The following NOX4 variants were observed in gnomAD, a reference collection of about 807,000 sequenced individuals.
NOX4 encodes kidney oxidase-1.
Under a neutral mutation model 87.6 loss-of-function variants are expected in NOX4, and 69 were observed. The ratio of observed to expected loss-of-function variants is 0.79; its 90% confidence interval spans 0.65 to 0.96. The LOEUF is 0.96. NOX4 is among the 40% of genes least tolerant of loss of function. The probability of loss-of-function intolerance (pLI) is 0.00; values close to 1 mark genes in which losing one functional copy is unlikely to be tolerated. For synonymous variants in NOX4, 275 were observed against 238.2 expected, an observed-to-expected ratio of 1.15 and a Z score of -1.42; for missense variants, 680 against 681.5, an observed-to-expected ratio of 1.00 and a Z score of 0.02.
chr11:89,491,529 A>G (rs1946857704), upstream of NOX4: 2 of 436,254 alleles, frequency 4.6e-6, no homozygotes, highest in South Asian at 4.0e-5. Flanking sequence ...CCCAGGCTGC[A>G]CCAGTCTGCT....
chr11:89,497,208 C>A (rs930923135), upstream of NOX4, among the ~76,000 whole-genome samples: 2 of 152,166 alleles, frequency 1.3e-5, no homozygotes, highest in Admixed American at 6.5e-5. Flanking sequence ...TTTATGATAT[C>A]ATTTGTGCTT....
chr11:89,559,230 A>G, the NOX4 span, among the ~76,000 whole-genome samples: 3 of 152,258 alleles, frequency 2.0e-5, 1 homozygote, highest in East Asian at 5.8e-4. Flanking sequence ...CAATAAATGC[A>G]TGTATAACTG....
upstream of NOX4, among the ~76,000 whole-genome samples, chr11:89,495,099 C>G (rs773123571): frequency 4.6e-5 from 7 of 152,078 alleles, no homozygotes; most frequent in African/African-American, 1.7e-4. Context: ...CACACCACCA[C>G]GCCTGGTTCA....
chr11:89,410,768 T>A (rs1280333280), intron 8 of NOX4, among the ~76,000 whole-genome samples: 12 of 152,166 alleles, frequency 7.9e-5, no homozygotes, highest in African/African-American at 2.7e-4. Flanking sequence ...GCTCTGGGAT[T>A]GTAAATAAAC....
intron 5 of NOX4, among the ~76,000 whole-genome samples, chr11:89,442,575 T>G (rs1282530639): frequency 3.3e-5 from 5 of 152,076 alleles, no homozygotes; most frequent in African/African-American, 1.2e-4. Flanking sequence ...AAAAGTATAT[T>G]TATGCAAACA....
chr11:89,587,112 A>G, the NOX4 span, among the ~76,000 whole-genome samples: 1 of 152,150 alleles, frequency 6.6e-6, no homozygotes, highest in African/African-American at 2.4e-5. Flanking sequence ...ATTGTTGAGG[A>G]AAAAGACTGA....
intron 13 of NOX4, among the ~76,000 whole-genome samples, chr11:89,349,132 C>T (rs376690054): frequency 6.6e-6 from 1 of 151,782 alleles, no homozygotes; most frequent in Admixed American, 6.6e-5. Flanking sequence ...ATTAAAAATA[C>T]AAAAATTAGC....
Position 89,490,545 on chromosome 11 carries a change from C to T in NOX4, c.66G>A (p.Trp22Ter). Residue 22 changes from tryptophan to a stop codon, truncating the protein, a stop_gained, in exon 2 of 18, where the codon TGG (tryptophan) becomes TGA (stop). Coordinates refer to ENST00000263317, the MANE Select transcript of NOX4 (RefSeq NM_016931.5). LOFTEE classifies it high-confidence loss of function. ...EGVKHLCLFI[W>*]LSMNVLLFWK... Reference sequence around the variant, plus strand: ...AGAAAAGCAGGACATTCATGGAGAGCCAGATGAACTAAACCAATCAGACAT... The same window carrying T: ...AGAAAAGCAGGACATTCATGGAGAGTCAGATGAACTAAACCAATCAGACAT... 1 of 1,613,184 alleles carries T rather than the reference C, an allele frequency of 6.2e-7. No individual in the cohort carries two copies. Among genetic ancestry groups the T allele is most frequent in the Non-Finnish European group, 8.5e-7 (1 of 1,179,352 alleles).
At chr11:89,410,085 G>T (rs1198117798) in intron 8 of NOX4, among the ~76,000 whole-genome samples, 1 of 150,190 alleles carries the variant, frequency 6.7e-6, no homozygotes, top group Non-Finnish European at 1.5e-5. Flanking sequence ...AATAAAATAA[G>T]AGGCATGGGT....
At chr11:89,348,268 A>T (rs1946302845) in intron 13 of NOX4, among the ~76,000 whole-genome samples, 1 of 152,178 alleles carries the variant, frequency 6.6e-6, no homozygotes, top group South Asian at 2.1e-4. Context: ...CGCAAAAATT[A>T]GCTGGGCATG....
intron 11 of NOX4, among the ~76,000 whole-genome samples, chr11:89,399,430 T>TAAAA (rs1202228025): frequency 3.6e-5 from 3 of 84,056 alleles, no homozygotes; most frequent in African/African-American, 1.5e-4. Context: ...TTCAAGAAAT[T>TAAAA]AAATATATAT....
intron 7 of NOX4, among the ~76,000 whole-genome samples, chr11:89,430,044 T>C (rs1472880950): frequency 6.6e-6 from 1 of 152,128 alleles, no homozygotes; most frequent in East Asian, 1.9e-4. Context: ...GCAAAGCTGG[T>C]TCAACACATG....
At chr11:89,492,932 C>T (rs1467346816), upstream of NOX4, among the ~76,000 whole-genome samples, 1 of 152,188 alleles carries the variant, frequency 6.6e-6, no homozygotes, top group African/African-American at 2.4e-5. Flanking sequence ...ACTTTCAGAA[C>T]AGCAAAAATA....
intron 11 of NOX4, among the ~76,000 whole-genome samples, chr11:89,382,665 G>T (rs1348654455): frequency 6.6e-6 from 1 of 151,880 alleles, no homozygotes; most frequent in Non-Finnish European, 1.5e-5. Flanking sequence ...CTCCCTGCCA[G>T]GCTGAATCAG....
At chr11:89,559,379 A>G in the NOX4 span, among the ~76,000 whole-genome samples, 1 of 152,162 alleles carries the variant, frequency 6.6e-6, no homozygotes, top group Non-Finnish European at 1.5e-5. Context: ...AGGAAGTACG[A>G]GAATTAACCA....
chr11:89,412,700 A>T (rs1942544798), intron 8 of NOX4, among the ~76,000 whole-genome samples: 1 of 152,104 alleles, frequency 6.6e-6, no homozygotes, highest in African/African-American at 2.4e-5. Flanking sequence ...TGAAGACTTA[A>T]TCTAAGACCT....
intron 2 of NOX4, among the ~76,000 whole-genome samples, chr11:89,454,604 A>G (rs1303302895): frequency 2.6e-5 from 4 of 152,168 alleles, no homozygotes; most frequent in Non-Finnish European, 5.9e-5. Context: ...GCATATTTCC[A>G]AACTTACTGG....
At chr11:89,439,655 G>A (rs1317836825) in intron 6 of NOX4, among the ~76,000 whole-genome samples, 4 of 152,086 alleles carry the variant, frequency 2.6e-5, no homozygotes, top group Non-Finnish European at 4.4e-5. Context: ...CCTTGTCCCT[G>A]AAATATGTGC....
chr11:89,486,254 C>A (rs545219200), intron 2 of NOX4, among the ~76,000 whole-genome samples: 96 of 128,602 alleles, frequency 7.5e-4, no homozygotes, highest in South Asian at 5.9e-3. Context: ...AGTTCTATAC[C>A]AATTTTATTT....
Sources: gnomAD v4.1 joint callset for allele counts (sites outside exome capture counted in the v4.1 genomes callset) on GRCh38, gnomAD v4.1.1 for gene constraint, MANE v1.5 for transcripts, NCBI Gene and HGNC (gene_info 2026-07-23, HGNC 2026-07-21) for gene names.